RAD50: variants seen among roughly 807,000 people sequenced by gnomAD.
RAD50 encodes RAD50 double strand break repair protein, also known as DNA repair protein RAD50.
A neutral mutation model predicts 168.8 loss-of-function variants in RAD50; 132 were observed. The ratio of observed to expected loss-of-function variants is 0.78; its 90% CI spans 0.68 to 0.90. The LOEUF is 0.90. RAD50 is among the 40% of genes least tolerant of loss of function. RAD50 has a pLI of 0.00. For missense variants in RAD50, 1,347 were observed against 1,534.4 expected (o/e 0.88, Z 2.04); for synonymous variants, 525 against 497.4 (o/e 1.06, Z -0.74).
At chr5:132,583,568 T>G (rs1452937003) in intron 5 of RAD50, among the ~76,000 whole-genome samples, 1 of 152,194 alleles carries the variant, frequency 6.6e-6, no homozygotes, top group Non-Finnish European at 1.5e-5. Flanking sequence ...TAACCACTAA[T>G]TTGTTTTCTG....
At chr5:132,585,704 A>G (rs1179849469) in intron 5 of RAD50, among the ~76,000 whole-genome samples, 2 of 151,266 alleles carry the variant, frequency 1.3e-5, no homozygotes, top group African/African-American at 4.9e-5. Flanking sequence ...CCCAGGCTCA[A>G]GTGATCCTTC....
At chr5:132,566,106 ATAC>A in intron 2 of RAD50, among the ~76,000 whole-genome samples, 1 of 152,110 alleles carries the variant, frequency 6.6e-6, no homozygotes, top group Admixed American at 6.5e-5. Flanking sequence ...CTGAAGTATA[ATAC>A]ACATTTCTTT....
At chr5:132,598,616 G>A (rs1426384247) in intron 13 of RAD50, among the ~76,000 whole-genome samples, 1 of 152,182 alleles carries the variant, frequency 6.6e-6, no homozygotes, top group African/African-American at 2.4e-5. Context: ...AAGCATAACC[G>A]AGCTGGATGT....
intron 2 of RAD50, among the ~76,000 whole-genome samples, chr5:132,561,943 A>T (rs1750132015): frequency 6.6e-6 from 1 of 152,192 alleles, no homozygotes; most frequent in Non-Finnish European, 1.5e-5. Context: ...CAACTATTAG[A>T]ATCGTCTCCT....
At chr5:132,625,475 G>C (rs986296248) in intron 21 of RAD50, among the ~76,000 whole-genome samples, 2 of 151,980 alleles carry the variant, frequency 1.3e-5, no homozygotes, top group African/African-American at 4.8e-5. Context: ...TTTTGATGCA[G>C]GCATACAATG....
chr5:132,598,155 C>T (rs574021079), intron 13 of RAD50, among the ~76,000 whole-genome samples: 1 of 151,906 alleles, frequency 6.6e-6, no homozygotes, highest in African/African-American at 2.4e-5. Flanking sequence ...TCAAGCAATT[C>T]CCCTGCCTCA....
At chr5:132,613,264 T>C (rs1751117330) in intron 19 of RAD50, among the ~76,000 whole-genome samples, 1 of 152,146 alleles carries the variant, frequency 6.6e-6, no homozygotes, top group African/African-American at 2.4e-5. Flanking sequence ...TTTGGAAACT[T>C]AACTGCCTTT....
At chr5:132,604,351 C>A (rs189549295) in intron 15 of RAD50, among the ~76,000 whole-genome samples, 3 of 151,788 alleles carry the variant, frequency 2.0e-5, no homozygotes, top group Non-Finnish European at 2.9e-5. Context: ...CTGCAACCTC[C>A]GCCTCCCGGG....
chr5:132,567,648 A>G (rs1293416781), intron 2 of RAD50, among the ~76,000 whole-genome samples: 2 of 152,216 alleles, frequency 1.3e-5, no homozygotes, highest in East Asian at 1.9e-4. Flanking sequence ...GAGGGCTAGT[A>G]GAGAACAACT....
At chr5:132,614,315 A>G (rs1385903998) in intron 19 of RAD50, among the ~76,000 whole-genome samples, 1 of 152,246 alleles carries the variant, frequency 6.6e-6, no homozygotes, top group Non-Finnish European at 1.5e-5. Flanking sequence ...AGGAACAACA[A>G]GCATAGTACC....
intron 21 of RAD50, among the ~76,000 whole-genome samples, chr5:132,634,837 A>G (rs1253574050): frequency 2.0e-5 from 3 of 152,076 alleles, no homozygotes; most frequent in Non-Finnish European, 4.4e-5. Flanking sequence ...ATCTGCTACT[A>G]TATTAGTTGA....
At chr5:132,560,233 A>G (rs534084259) in intron 2 of RAD50, among the ~76,000 whole-genome samples, 6 of 152,316 alleles carry the variant, frequency 3.9e-5, no homozygotes, top group African/African-American at 9.6e-5. Context: ...TCACACATAC[A>G]TATTTTAGCA....
chr5:132,603,047 T>TA (rs1315897655), intron 13 of RAD50, among the ~76,000 whole-genome samples: 11 of 152,320 alleles, frequency 7.2e-5, no homozygotes, highest in African/African-American at 2.6e-4. Flanking sequence ...TCTCCTAAGA[T>TA]ACTTGTTAAT....
At chr5:132,578,395 A>G (rs1040882422) in intron 3 of RAD50, among the ~76,000 whole-genome samples, 9 of 152,030 alleles carry the variant, frequency 5.9e-5, no homozygotes, top group Non-Finnish European at 5.9e-5. Flanking sequence ...TACAACCACC[A>G]TTCTAGTCCT....
intron 15 of RAD50, among the ~76,000 whole-genome samples, chr5:132,604,268 CTTT>C (rs879833449): frequency 5.6e-5 from 8 of 142,626 alleles, no homozygotes; most frequent in African/African-American, 2.1e-4. Flanking sequence ...TTCTCTTTTC[CTTT>C]TTTTTTTTTT....
chr5:132,591,622 C>T (rs1016179981), intron 10 of RAD50, among the ~76,000 whole-genome samples: 4 of 152,116 alleles, frequency 2.6e-5, no homozygotes, highest in Non-Finnish European at 5.9e-5. Context: ...TATATACACA[C>T]ATGCACATTA....
intron 21 of RAD50, among the ~76,000 whole-genome samples, chr5:132,623,462 C>T (rs919879399): frequency 1.3e-5 from 2 of 152,156 alleles, no homozygotes; most frequent in Non-Finnish European, 2.9e-5. Context: ...GCCTGGGCAA[C>T]AGAACGAGAC....
chr5:132,579,794 C>G, intron 4 of RAD50, 68 bp from the exon 5 acceptor site: 1 of 1,280,374 alleles, frequency 7.8e-7, no homozygotes, highest in East Asian at 2.4e-5. Context: ...AGCATAATAT[C>G]CCACTGTATG....
rs560499420 is a variant in RAD50, at chr5:132,628,897, A to G, written c.3390-8218A>G. On this transcript the variant is annotated intron_variant, in intron 21 of 24. Coordinates refer to ENST00000378823, the MANE Select transcript of RAD50 (RefSeq NM_005732.4). Reference sequence around the variant, plus strand: ...GAGACAGAGAATATAGATAATTCTTATAACAACTTCTCCTGTGACGGGGAG... The same window carrying G: ...GAGACAGAGAATATAGATAATTCTTGTAACAACTTCTCCTGTGACGGGGAG... Among the ~76,000 whole-genome samples, 92 of 152,128 alleles carry G rather than the reference A, an allele frequency of 6.0e-4. 1 individual carries two copies. Among genetic ancestry groups the G allele is most frequent in the Non-Finnish European group, 9.4e-4 (64 of 67,992 alleles).
Sources: gnomAD v4.1 joint callset for allele counts (sites outside exome capture counted in the v4.1 genomes callset) on GRCh38, gnomAD v4.1.1 for gene constraint, MANE v1.5 for transcripts, NCBI Gene and HGNC (gene_info 2026-07-23, HGNC 2026-07-21) for gene names.